TIAM2: variants seen among roughly 807,000 people sequenced by gnomAD.
The protein encoded by TIAM2 is TIAM Rac1 associated GEF 2.
In TIAM2, 80 loss-of-function variants were observed where a neutral mutation model predicts 152.9. The observed-to-expected ratio is 0.52, with a 90% confidence interval of 0.44 to 0.63. TIAM2 has a LOEUF of 0.63. Ranked by LOEUF, TIAM2 falls within the 30% of genes least tolerant of loss-of-function variation. The pLI is 0.00. For missense variants in TIAM2, 1,965 were observed against 2,120.1 expected (o/e 0.93, Z 1.44); for synonymous variants, 804 against 838.0 (o/e 0.96, Z 0.70).
At chr6:155,109,281 G>A (rs1778777358) in intron 2 of TIAM2, among the ~76,000 whole-genome samples, 1 of 149,492 alleles carries the variant, frequency 6.7e-6, no homozygotes. Context: ...ACTGCACCCG[G>A]CCTTCAGCTT....
intron 20 of TIAM2, among the ~76,000 whole-genome samples, chr6:155,249,148 A>C (rs1287082731): frequency 6.6e-6 from 1 of 152,188 alleles, no homozygotes; most frequent in Non-Finnish European, 1.5e-5. Context: ...AAAATGCTGA[A>C]TTGGGAGAAA....
chr6:155,038,657 G>A (rs1262552287), intron 1 of TIAM2, among the ~76,000 whole-genome samples: 1 of 152,182 alleles, frequency 6.6e-6, no homozygotes, highest in Non-Finnish European at 1.5e-5. Context: ...GCCTGGCTGG[G>A]TGCAGTGGCT....
rs3011895 is a variant in TIAM2 at position 155,254,473 on chromosome 6, G to A, written c.4368G>A (p.Glu1456=). Reference sequence around the variant, plus strand: ...AGGTGATTCGTTCTATTCTGAGGGAGAACTTCAGGCGTCACATAAAGTGTG... The same window carrying A: ...AGGTGATTCGTTCTATTCTGAGGGAAAACTTCAGGCGTCACATAAAGTGTG... ...IVKVIRSILR[E]NFRRHIKCEL... The change falls in exon 26 of 27, where the codon GAG becomes GAA. Residue 1456 remains glutamate (E), a synonymous_variant. Transcript: ENST00000682666. 613,893 of 1,613,608 alleles carry A rather than the reference G, an allele frequency of 0.38. 122,936 individuals are homozygous for A. The highest frequency in any genetic ancestry group is 0.49 in the Middle Eastern group (2,960 of 6,060).
intron 12 of TIAM2, among the ~76,000 whole-genome samples, chr6:155,180,624 A>T (rs764779878): frequency 2.4e-4 from 36 of 151,858 alleles, no homozygotes; most frequent in Non-Finnish European, 3.8e-4. Context: ...TTTTTTTGAG[A>T]CATAGTCTTG....
intron 7 of TIAM2, among the ~76,000 whole-genome samples, chr6:155,153,914 T>C (rs1562334443): frequency 6.6e-6 from 1 of 152,190 alleles, no homozygotes; most frequent in Non-Finnish European, 1.5e-5. Flanking sequence ...GAAACCACTA[T>C]ACCTGGCCAA....
chr6:155,228,494 C>G (rs1782324419), intron 15 of TIAM2, among the ~76,000 whole-genome samples: 1 of 152,096 alleles, frequency 6.6e-6, no homozygotes, highest in Non-Finnish European at 1.5e-5. Flanking sequence ...TCTGTTATCC[C>G]AAAACTTGGA....
chr6:155,255,398 T>C (rs1783936245), intron 26 of TIAM2: 1 of 152,206 alleles, frequency 6.6e-6, no homozygotes, highest in South Asian at 2.1e-4. Context: ...TATTTCTACA[T>C]TAACTATTTT....
chr6:155,200,410 A>T (rs976146849), intron 14 of TIAM2, among the ~76,000 whole-genome samples: 19 of 152,098 alleles, frequency 1.2e-4, no homozygotes, highest in Admixed American at 2.6e-4. Flanking sequence ...GTTAATTCTA[A>T]TTTCTCTCCT....
At position 155,137,479 on chromosome 6, in the gene TIAM2, C is replaced by T. The variant is rs1323706255; in HGVS notation, c.1497C>T (p.Leu499=). 17 of 1,614,088 alleles carry T rather than the reference C, an allele frequency of 1.1e-5. No homozygotes were observed. In the Admixed American group the frequency reaches 2.7e-4, roughly 25 times the overall value. Residue 499 remains leucine, a synonymous_variant, in exon 5 of 27, where the codon CTC becomes CTT. Coordinates refer to ENST00000682666, the MANE Select transcript of TIAM2 (RefSeq NM_012454.4). ...GCTCTCTGGAACAGCTGGATCTGCT[C>T]TTTGAGAAGGAACAGGGGGTGGTCC... is the stretch of plus-strand genomic sequence containing the variant. ...SLSSLEQLDL[L]FEKEQGVVRK... is the part of the protein sequence containing the mutation.
In TIAM2 at chr6:155,073,232, G is replaced by C. The variant is rs557552858; in HGVS notation, c.-208-17057G>C. On this transcript the variant is annotated intron_variant, in intron 1 of 26. Coordinates refer to ENST00000682666, the MANE Select transcript of TIAM2 (RefSeq NM_012454.4). Reference sequence around the variant, plus strand: ...GACTGGAGTGCAGTGGCACAATCTCGGCTCACTGCAACCTCCACCTCCCGG... The same window carrying C: ...GACTGGAGTGCAGTGGCACAATCTCCGCTCACTGCAACCTCCACCTCCCGG... Among the ~76,000 whole-genome samples, 5 of 141,058 alleles carry C rather than the reference G, an allele frequency of 3.5e-5. No homozygotes were observed. In the South Asian group the frequency reaches 1.1e-3, roughly 31 times the overall value. 92.5% of individuals were successfully genotyped at this position (141,058 alleles called of 152,430 possible).
chr6:155,056,407 A>G (rs1196985469), intron 1 of TIAM2, among the ~76,000 whole-genome samples: 2 of 152,004 alleles, frequency 1.3e-5, no homozygotes, highest in Non-Finnish European at 2.9e-5. Context: ...CCTGGTCTCA[A>G]GTGATCCGCC....
At chr6:155,026,302 C>A (rs1169260666) in intron 1 of TIAM2, among the ~76,000 whole-genome samples, 1 of 152,182 alleles carries the variant, frequency 6.6e-6, no homozygotes, top group Non-Finnish European at 1.5e-5. Flanking sequence ...TCTGTTGATT[C>A]CTCAGCAAAT....
intron 4 of TIAM2, among the ~76,000 whole-genome samples, chr6:155,136,851 A>G (rs570700695): frequency 6.6e-5 from 10 of 152,338 alleles, no homozygotes; most frequent in African/African-American, 2.2e-4. Context: ...AGAAAGAAAT[A>G]TCATTCTAGT....
In TIAM2 at chr6:155,062,647, C is replaced by T. The variant is rs1000763439; in HGVS notation, c.-208-27642C>T. Among the ~76,000 whole-genome samples the T allele has an allele frequency of 2.0e-5, 3 of 147,974 alleles. No homozygotes were observed. In the South Asian group the frequency reaches 6.5e-4, roughly 32 times the overall value. On this transcript the variant is annotated intron_variant, in intron 1 of 26. Transcript: ENST00000682666. ...AGGCTAGAGTGCAATGGCGTGATCT[C>T]GGCCCACTGCAACCTCCTACACCTG...
chr6:155,014,276 C>T lies in TIAM2; in HGVS notation c.-209+18784C>T, dbSNP rs113002522. 4.8e-4 allele frequency among the ~76,000 whole-genome samples: 73 copies of T among 152,144 alleles called. 1 individual carries two copies. Among genetic ancestry groups the T allele is most frequent in the African/African-American group, 1.7e-3 (71 of 41,522 alleles). ...GTTTATACTATTTGAGGTCATTGAC[C>T]TTATTCTTATGTCTTTATCTTCCCT... On this transcript the variant is annotated intron_variant, in intron 1 of 26. Transcript: ENST00000682666.
At chr6:155,179,291 C>T in intron 11 of TIAM2, 87 bp from the exon 12 acceptor site, 1 of 1,489,058 alleles carries the variant, frequency 6.7e-7, no homozygotes, top group Non-Finnish European at 9.4e-7. Context: ...TAACAGCTTT[C>T]TTGTTTTATG....
Position 155,249,980 on chromosome 6 carries a change from C to T in TIAM2, c.3951+11C>T, listed in dbSNP as rs781215675. 20 of 1,598,754 alleles carry T rather than the reference C, an allele frequency of 1.3e-5. No individual in the cohort carries two copies. The highest frequency in any genetic ancestry group is 1.7e-5 in the Admixed American group (1 of 58,562). On this transcript the variant is annotated intron_variant, in intron 21 of 26. Coordinates refer to ENST00000682666, the MANE Select transcript of TIAM2 (RefSeq NM_012454.4). ...GGAACAGAGAAGGAGGTCCGTGAGACATCTGCACCCTGGGAGCCTAGTGCA... is the reference window on the plus strand; with the variant it reads ...GGAACAGAGAAGGAGGTCCGTGAGATATCTGCACCCTGGGAGCCTAGTGCA...
At position 155,019,736 on chromosome 6, in the gene TIAM2, G is replaced by A. The variant is rs373722751; in HGVS notation, c.-209+24244G>A. Among the ~76,000 whole-genome samples, 5 of 152,298 alleles carry A rather than the reference G, an allele frequency of 3.3e-5. No individual in the cohort carries two copies. In the South Asian group the frequency reaches 1.0e-3, roughly 32 times the overall value. On this transcript the variant is annotated intron_variant, in intron 1 of 26. Coordinates refer to ENST00000682666, the MANE Select transcript of TIAM2 (RefSeq NM_012454.4). ...TTTCTGAGCTTTTGCTTCCTCGTTT[G>A]CAGAATTAGTGGAGCAAATTAGAAA...
intron 1 of TIAM2, among the ~76,000 whole-genome samples, chr6:155,064,888 CCT>C (rs71023614): frequency 6.6e-6 from 1 of 151,662 alleles, no homozygotes; most frequent in African/African-American, 2.4e-5. Context: ...TCCTTTCTCC[CCT>C]CCTCTCTCCT....
Sources: allele counts gnomAD v4.1 joint callset (sites outside exome capture counted in the v4.1 genomes callset), GRCh38; gene constraint gnomAD v4.1.1; transcripts MANE v1.5; gene names NCBI Gene and HGNC (gene_info 2026-07-23, HGNC 2026-07-21).